Variants in ITGA9 observed in about 807,000 individuals in gnomAD.
ITGA9 encodes the protein integrin alpha-9.
In ITGA9, 56 loss-of-function variants were observed where a neutral mutation model predicts 127.8. That is an observed-to-expected ratio of 0.44 (90% confidence interval 0.35 to 0.55). ITGA9 has a LOEUF of 0.55. Ranked by LOEUF, ITGA9 falls within the 20% of genes least tolerant of loss-of-function variation. The pLI, the probability that ITGA9 is intolerant of heterozygous loss-of-function variation, is 0.00. For synonymous variants in ITGA9, 508 were observed against 514.5 expected, an observed-to-expected ratio of 0.99 and a Z score of 0.17; for missense variants, 1,196 against 1,347.1, an observed-to-expected ratio of 0.89 and a Z score of 1.76.
At chr3:37,644,161 G>C (rs777822326) in intron 16 of ITGA9, among the ~76,000 whole-genome samples, 5 of 152,150 alleles carry the variant, frequency 3.3e-5, no homozygotes, top group Non-Finnish European at 7.3e-5. Context: ...CCCATAAAAG[G>C]CCACCTAGTC....
intron 23 of ITGA9, among the ~76,000 whole-genome samples, chr3:37,764,712 CTTCAAGACCCAG>C (rs1473186153): frequency 6.6e-6 from 1 of 152,192 alleles, no homozygotes; most frequent in African/African-American, 2.4e-5. Context: ...GCTACTCATT[CTTCAAGACCCAG>C]TTCATATGTC....
At chr3:37,464,011 T>A (rs1579041356) in intron 1 of ITGA9, among the ~76,000 whole-genome samples, 1 of 152,080 alleles carries the variant, frequency 6.6e-6, no homozygotes, top group East Asian at 1.9e-4. Context: ...GATTACTTAA[T>A]TGTTTTGAGA....
chr3:37,692,329 A>G (rs570104480), intron 18 of ITGA9, among the ~76,000 whole-genome samples: 1 of 152,084 alleles, frequency 6.6e-6, no homozygotes, highest in South Asian at 2.1e-4. Flanking sequence ...AAAACATAGA[A>G]TGTATGTCAG....
intron 23 of ITGA9, among the ~76,000 whole-genome samples, chr3:37,762,137 A>C (rs1366748943): frequency 6.6e-6 from 1 of 152,212 alleles, no homozygotes; most frequent in Non-Finnish European, 1.5e-5. Context: ...TTAGGAAGCC[A>C]AAACCCACCG....
intron 15 of ITGA9, among the ~76,000 whole-genome samples, chr3:37,575,865 C>T (rs1046077381): frequency 1.2e-4 from 19 of 152,172 alleles, no homozygotes; most frequent in Non-Finnish European, 2.8e-4. Flanking sequence ...GTTACAACTC[C>T]AAACGTTTAT....
rs991605769 is a variant in ITGA9, at chr3:37,821,828, A to G, written c.*2839A>G. On this transcript the variant is annotated 3_prime_UTR_variant, in exon 28 of 28. Transcript: ENST00000264741. ...AGGTTTTAAGAAAACCAGCCTTGGC[A>G]TCACCACCAGCAGATACTGAAAGCC... The G allele has an allele frequency of 1.3e-5, 2 of 152,072 alleles. No homozygotes were observed. Among genetic ancestry groups the G allele is most frequent in the East Asian group, 1.9e-4 (1 of 5,164 alleles). The allele number at this position is 152,072 out of a possible 1,614,324, so 9.4% of individuals were successfully genotyped here.
chr3:37,741,421 T>A (rs1012698807), intron 20 of ITGA9, among the ~76,000 whole-genome samples: 2 of 152,086 alleles, frequency 1.3e-5, no homozygotes, highest in Non-Finnish European at 2.9e-5. Flanking sequence ...AGCACGACCC[T>A]CCTGTATGGC....
rs763494712 is a variant in ITGA9, at chr3:37,785,467, C to T, written c.2889+389C>T. On this transcript the variant is annotated intron_variant, in intron 26 of 27. Transcript: ENST00000264741. ...CGTCACATTACTCCATGGGTAAATA[C>T]TGTGTTTTGGTTTGGTTTGGTTTGG... Among the ~76,000 whole-genome samples the T allele has an allele frequency of 3.3e-5, 5 of 152,140 alleles. No homozygotes were observed. The East Asian group carries it at 9.7e-4, about 29-fold the overall frequency.
At chr3:37,722,107 T>C (rs1003898237) in intron 18 of ITGA9, among the ~76,000 whole-genome samples, 1 of 151,454 alleles carries the variant, frequency 6.6e-6, no homozygotes, top group Non-Finnish European at 1.5e-5. Context: ...GAACTCACCA[T>C]GCCTTTCCCC....
At chr3:37,459,866 C>T (rs924471002) in intron 1 of ITGA9, among the ~76,000 whole-genome samples, 3 of 152,104 alleles carry the variant, frequency 2.0e-5, no homozygotes, top group Non-Finnish European at 4.4e-5. Flanking sequence ...CTCTGCGGCA[C>T]CCTTTGGGGA....
At chr3:37,668,452 G>A (rs976271345) in intron 17 of ITGA9, among the ~76,000 whole-genome samples, 2 of 152,284 alleles carry the variant, frequency 1.3e-5, no homozygotes, top group Admixed American at 6.5e-5. Context: ...GTGACTGGAC[G>A]CAAGGAAAGG....
At chr3:37,698,870 G>T (rs1700916060) in intron 18 of ITGA9, among the ~76,000 whole-genome samples, 1 of 152,128 alleles carries the variant, frequency 6.6e-6, no homozygotes, top group African/African-American at 2.4e-5. Context: ...AGCCATTCTG[G>T]TGTGTAATTG....
Position 37,622,518 on chromosome 3 carries a change from T to C in ITGA9, c.1690-6669T>C, listed in dbSNP as rs1427123286. On this transcript the variant is annotated intron_variant, in intron 15 of 27. Coordinates refer to ENST00000264741, the MANE Select transcript of ITGA9 (RefSeq NM_002207.3). ...TTATTTCATAATAGGGAGCTTTTTATAGATTTTAATATCATAGTTGCCATT... is the reference window on the plus strand; with the variant it reads ...TTATTTCATAATAGGGAGCTTTTTACAGATTTTAATATCATAGTTGCCATT... Among the ~76,000 whole-genome samples, 3 of 152,174 alleles carry C rather than the reference T, an allele frequency of 2.0e-5. No individual in the cohort carries two copies. The South Asian group carries it at 6.2e-4, about 32-fold the overall frequency.
At chr3:37,558,528 G>A (rs766620596) in intron 15 of ITGA9, among the ~76,000 whole-genome samples, 3 of 152,134 alleles carry the variant, frequency 2.0e-5, no homozygotes, top group Non-Finnish European at 1.5e-5. Flanking sequence ...CTATGTACAG[G>A]TGTGCCTGGG....
chr3:37,515,793 G>A (rs918936640), intron 9 of ITGA9, among the ~76,000 whole-genome samples: 1 of 152,186 alleles, frequency 6.6e-6, no homozygotes, highest in African/African-American at 2.4e-5. Context: ...GGAGGCTGAG[G>A]CGAGAGGATC....
chr3:37,474,780 T>G (rs562022548), intron 3 of ITGA9, among the ~76,000 whole-genome samples: 5 of 152,366 alleles, frequency 3.3e-5, no homozygotes, highest in African/African-American at 1.2e-4. Flanking sequence ...GGTCACATGC[T>G]GCAAAGCTGA....
intron 8 of ITGA9, among the ~76,000 whole-genome samples, 168 bp from the exon 9 acceptor site, chr3:37,513,595 C>A (rs1325239906): frequency 6.7e-6 from 1 of 148,298 alleles, no homozygotes; most frequent in African/African-American, 2.5e-5. Flanking sequence ...CCTCCCCCAA[C>A]CCCACAGCAG....
chr3:37,702,168 G>A lies in ITGA9; in HGVS notation c.2067+18153G>A, dbSNP rs11918340. ...ACCTGTGAAGCTGAGTGATAGTCAC[G>A]GTAATTACAGTCACCTACTATAGCC... On this transcript the variant is annotated intron_variant, in intron 18 of 27. Coordinates refer to ENST00000264741, the MANE Select transcript of ITGA9 (RefSeq NM_002207.3). Among the ~76,000 whole-genome samples, 202 of 152,248 alleles carry A rather than the reference G, an allele frequency of 1.3e-3. 1 individual carries two copies. The highest frequency in any genetic ancestry group is 4.5e-3 in the African/African-American group (188 of 41,538).
intron 23 of ITGA9, among the ~76,000 whole-genome samples, chr3:37,753,465 G>T (rs1696614017): frequency 6.6e-6 from 1 of 152,202 alleles, no homozygotes; most frequent in Non-Finnish European, 1.5e-5. Flanking sequence ...AGTTCACCAA[G>T]AGAACAGGTG....
Sources: allele counts gnomAD v4.1 joint callset (sites outside exome capture counted in the v4.1 genomes callset), GRCh38; gene constraint gnomAD v4.1.1; transcripts MANE v1.5; gene names NCBI Gene and HGNC (gene_info 2026-07-23, HGNC 2026-07-21).